Variants in GNB1 observed in about 807,000 individuals in gnomAD.
GNB1 encodes guanine nucleotide-binding protein G(I)/G(S)/G(T) subunit beta-1.
Under a neutral mutation model 42.9 loss-of-function variants are expected in GNB1, and 2 were observed. That is an observed-to-expected ratio of 0.05 (90% CI 0.02 to 0.15). The LOEUF (loss-of-function observed/expected upper bound fraction) is 0.15. GNB1 is among the 10% of genes least tolerant of loss of function. The pLI, the probability that GNB1 is intolerant of heterozygous loss-of-function variation, is 1.00. For missense variants in GNB1, 193 were observed against 462.2 expected (o/e 0.42, Z 5.34); for synonymous variants, 183 against 174.7 (o/e 1.05, Z -0.38).
intron 1 of GNB1, among the ~76,000 whole-genome samples, chr1:1,846,212 TA>T (rs879266419): frequency 3.4e-4 from 48 of 143,106 alleles, no homozygotes; most frequent in African/African-American, 3.6e-4. Context: ...ACATATAAAT[TA>T]AAAAAAAAAA....
chr1:1,817,209 T>C (rs951629429), intron 4 of GNB1, among the ~76,000 whole-genome samples: 2 of 152,242 alleles, frequency 1.3e-5, no homozygotes, highest in Non-Finnish European at 2.9e-5. Flanking sequence ...CATAGCCATT[T>C]GTTTGGCTTC....
intron 1 of GNB1, among the ~76,000 whole-genome samples, chr1:1,849,527 C>T (rs1195919009): frequency 1.3e-5 from 2 of 152,124 alleles, no homozygotes; most frequent in East Asian, 1.9e-4. Context: ...CCACTTCAGT[C>T]TCCTGAGTAG....
intron 1 of GNB1, among the ~76,000 whole-genome samples, chr1:1,874,981 A>G (rs566746777): frequency 9.9e-5 from 15 of 152,238 alleles, no homozygotes; most frequent in African/African-American, 2.9e-4. Flanking sequence ...TTAGATTCTC[A>G]TAAGGAGTGC....
chr1:1,854,573 G>A (rs1648162485), intron 1 of GNB1, among the ~76,000 whole-genome samples: 1 of 152,210 alleles, frequency 6.6e-6, no homozygotes, highest in African/African-American at 2.4e-5. Flanking sequence ...TTTTAAGGAA[G>A]ACAGATACAT....
chr1:1,836,225 G>A (rs1647147378), intron 2 of GNB1, among the ~76,000 whole-genome samples: 1 of 152,096 alleles, frequency 6.6e-6, no homozygotes, highest in African/African-American at 2.4e-5. Context: ...CTGGGTGGGT[G>A]TCACAGCCAT....
intron 2 of GNB1, among the ~76,000 whole-genome samples, chr1:1,831,674 C>T (rs1192948314): frequency 6.6e-6 from 1 of 151,684 alleles, no homozygotes; most frequent in Admixed American, 6.6e-5. Context: ...GTCTTGAACT[C>T]CTGACCTCAA....
intron 1 of GNB1, among the ~76,000 whole-genome samples, chr1:1,878,776 C>T (rs1649684828): frequency 6.6e-6 from 1 of 152,122 alleles, no homozygotes. Flanking sequence ...TCTCAGTATT[C>T]CCATCTAAAA....
intron 2 of GNB1, among the ~76,000 whole-genome samples, chr1:1,833,522 C>A (rs540024850): frequency 1.3e-5 from 2 of 152,288 alleles, no homozygotes; most frequent in South Asian, 2.1e-4. Flanking sequence ...CATGCGCAGA[C>A]CCTCCCTCCA....
chr1:1,840,506 T>A (rs1647215333), intron 1 of GNB1, among the ~76,000 whole-genome samples: 1 of 152,186 alleles, frequency 6.6e-6, no homozygotes, highest in South Asian at 2.1e-4. Context: ...CCAGCCTGGG[T>A]GACAGTGCGA....
chr1:1,862,463 T>C (rs1051836561), intron 1 of GNB1, among the ~76,000 whole-genome samples: 1 of 151,958 alleles, frequency 6.6e-6, no homozygotes, highest in Admixed American at 6.6e-5. Flanking sequence ...AGTACTTCAT[T>C]TTTATTAATT....
At chr1:1,888,575 C>T (rs558403828) in intron 1 of GNB1, among the ~76,000 whole-genome samples, 5 of 152,248 alleles carry the variant, frequency 3.3e-5, no homozygotes, top group South Asian at 4.1e-4. Context: ...CGGTGGCTCA[C>T]GCTCGTAATC....
chr1:1,888,918 ACCTGT>A (rs1650309220), intron 1 of GNB1, among the ~76,000 whole-genome samples: 1 of 152,118 alleles, frequency 6.6e-6, no homozygotes, highest in South Asian at 2.1e-4. Context: ...AGGCTCTCAG[ACCTGT>A]CTCCATGTCA....
intron 3 of GNB1, among the ~76,000 whole-genome samples, chr1:1,820,697 T>C (rs1415435613): frequency 6.6e-6 from 1 of 152,210 alleles, no homozygotes; most frequent in African/African-American, 2.4e-5. Context: ...ACATGAGATT[T>C]AAGCAACTTC....
At chr1:1,864,765 T>C (rs780675180) in intron 1 of GNB1, among the ~76,000 whole-genome samples, 3 of 152,238 alleles carry the variant, frequency 2.0e-5, no homozygotes, top group Non-Finnish European at 2.9e-5. Flanking sequence ...TATATTTTAG[T>C]TGCTCATCTC....
At chr1:1,881,711 G>A (rs1322133538) in intron 1 of GNB1, among the ~76,000 whole-genome samples, 1 of 152,274 alleles carries the variant, frequency 6.6e-6, no homozygotes, top group East Asian at 1.9e-4. Context: ...CAAGGTAAAA[G>A]CTCTTTATCC....
intron 1 of GNB1, among the ~76,000 whole-genome samples, chr1:1,840,474 G>A (rs1432272226): frequency 1.3e-5 from 2 of 152,248 alleles, no homozygotes; most frequent in Non-Finnish European, 2.9e-5. Flanking sequence ...ATTGCAGTGA[G>A]CCGAGATCGT....
chr1:1,854,702 T>C (rs932717280), intron 1 of GNB1, among the ~76,000 whole-genome samples: 1 of 151,922 alleles, frequency 6.6e-6, no homozygotes, highest in Non-Finnish European at 1.5e-5. Flanking sequence ...AGCCCAGGAG[T>C]TGGAGGCCAG....
Position 1,847,829 on chromosome 1 carries a change from A to T in GNB1, c.-95-8591T>A, listed in dbSNP as rs59459675. 4.6e-3 allele frequency among the ~76,000 whole-genome samples: 697 copies of T among 152,264 alleles called. 4 individuals are homozygous for T. The highest frequency in any genetic ancestry group is 0.016 in the African/African-American group (671 of 41,548). ...GGACTTCAACATGTGGATCTTAGAGAAATTCAAGAGCTATTAGACACCACA... is the reference window on the plus strand; with the variant it reads ...GGACTTCAACATGTGGATCTTAGAGTAATTCAAGAGCTATTAGACACCACA... On this transcript the variant is annotated intron_variant, in intron 1 of 11. Transcript: ENST00000378609.
intron 1 of GNB1, among the ~76,000 whole-genome samples, chr1:1,844,391 C>A (rs1318849680): frequency 1.1e-4 from 14 of 128,278 alleles, no homozygotes; most frequent in Middle Eastern, 3.8e-3. Context: ...ACTCCGTCTC[C>A]AAAAAAAAAA....
Sources: gnomAD v4.1 joint callset for allele counts (sites outside exome capture counted in the v4.1 genomes callset) on GRCh38, gnomAD v4.1.1 for gene constraint, MANE v1.5 for transcripts, NCBI Gene and HGNC (gene_info 2026-07-23, HGNC 2026-07-21) for gene names.